Variants in TRIM21 observed in about 807,000 individuals in gnomAD.
The protein encoded by TRIM21 is E3 ubiquitin-protein ligase TRIM21.
A neutral mutation model predicts 36.1 loss-of-function variants in TRIM21; 35 were observed. The ratio of observed to expected loss-of-function variants is 0.97; its 90% confidence interval spans 0.74 to 1.28. TRIM21 has a LOEUF of 1.28. TRIM21 is among the 50% of genes most tolerant of loss of function. TRIM21 has a pLI of 0.00. For synonymous variants in TRIM21, 256 were observed against 211.5 expected, an observed-to-expected ratio of 1.21 and a Z score of -1.83; for missense variants, 635 against 570.7, an observed-to-expected ratio of 1.11 and a Z score of -1.15.
chr11:4,386,913 T>C (rs2094956837), intron 5 of TRIM21, 55 bp downstream of exon 5: 6 of 1,543,310 alleles, frequency 3.9e-6, no homozygotes, highest in South Asian at 2.4e-5. Context: ...ACCTTTGTCA[T>C]AGGCATATAT....
intron 4 of TRIM21, 42 bp from the exon 5 acceptor site, chr11:4,387,032 A>C (rs771338158): frequency 1.9e-6 from 3 of 1,557,984 alleles, no homozygotes; most frequent in Admixed American, 3.8e-5. Context: ...GGATTGCTGG[A>C]TCGCCACTGA....
At chr11:4,386,347 T>A in intron 5 of TRIM21, 90 bp from the exon 6 acceptor site, 1 of 1,083,180 alleles carries the variant, frequency 9.2e-7, no homozygotes, top group Non-Finnish European at 1.4e-6. Flanking sequence ...TCCGATAATT[T>A]AATTCAACTC....
At chr11:4,387,256 T>TC (rs1564809771) in intron 4 of TRIM21, among the ~76,000 whole-genome samples, 24 of 134,646 alleles carry the variant, frequency 1.8e-4, no homozygotes, top group African/African-American at 5.6e-4. Context: ...GACCAGTTTT[T>TC]TTTTTTTTTC....
At position 4,384,922 on chromosome 11, in the gene TRIM21, AT is replaced by A. The variant is rs1457706351; in HGVS notation, c.*362del. The stretch of plus-strand genomic sequence containing the variant: ...CACAGTTTTTTAAATTTTATTTTTT[AT>A]TTTTAGGAAGCCCTTTTGCAAACCA... On this transcript the variant is annotated 3_prime_UTR_variant, in exon 7 of 7. Coordinates refer to ENST00000254436, the MANE Select transcript of TRIM21 (RefSeq NM_003141.4). 1.0e-5 allele frequency: 2 copies of A among 193,836 alleles called. No homozygotes were observed. Among genetic ancestry groups the A allele is most frequent in the African/African-American group, 4.7e-5 (2 of 42,782 alleles). The allele number at this position is 193,836 out of a possible 1,614,324, so 12.0% of individuals were successfully genotyped here.
At chr11:4,390,549 G>A in intron 1 of TRIM21, 91 bp from the exon 2 acceptor site, 1 of 775,492 alleles carries the variant, frequency 1.3e-6, no homozygotes, top group South Asian at 2.5e-5. Flanking sequence ...AAATACCAAT[G>A]ACATTCTTCA....
At chr11:4,391,957 G>C (rs572010248) in intron 1 of TRIM21, among the ~76,000 whole-genome samples, 2 of 152,106 alleles carry the variant, frequency 1.3e-5, no homozygotes, top group Admixed American at 1.3e-4. Context: ...TCTGTGTGTG[G>C]GGGAGAAGAT....
Position 4,384,986 on chromosome 11 carries a change from C to G in TRIM21, c.*299G>C, listed in dbSNP as rs576974038. On this transcript the variant is annotated 3_prime_UTR_variant, in exon 7 of 7. Coordinates refer to ENST00000254436, the MANE Select transcript of TRIM21 (RefSeq NM_003141.4). ...TAGAGATCTCACCAAAGACGACATC[C>G]TAGAGATGGAGAGGAGAAAAAAAAA... 2.3e-5 allele frequency: 8 copies of G among 342,610 alleles called. No individual in the cohort carries two copies. The South Asian group carries it at 5.5e-4, about 23-fold the overall frequency. The allele number at this position is 342,610 out of a possible 1,614,324, so 21.2% of individuals were successfully genotyped here. A position where few individuals can be genotyped will look rare whatever the true frequency, so the allele number is the denominator to read the frequency against.
Position 4,385,055 on chromosome 11 carries a change from C to G in TRIM21, c.*230G>C, listed in dbSNP as rs15120. The G allele has an allele frequency of 0.023, 11,286 of 487,784 alleles. 203 individuals are homozygous for G. Among genetic ancestry groups the G allele is most frequent in the African/African-American group, 0.063 (3,187 of 50,940 alleles). 30.2% of individuals were successfully genotyped at this position (487,784 alleles called of 1,614,324 possible). On this transcript the variant is annotated 3_prime_UTR_variant, in exon 7 of 7. Coordinates refer to ENST00000254436, the MANE Select transcript of TRIM21 (RefSeq NM_003141.4). ...AGGCAGAAACATGTTTTTGGTTGAT[C>G]AAGATGAGTTTGGGCCAAATATAAG... is the stretch of plus-strand genomic sequence containing the variant.
chr11:4,387,682 C>A (rs1398122829), intron 4 of TRIM21, among the ~76,000 whole-genome samples: 1 of 152,020 alleles, frequency 6.6e-6, no homozygotes, highest in Non-Finnish European at 1.5e-5. Context: ...ATGGAGAAAT[C>A]CCATCTCTAC....
intron 1 of TRIM21, among the ~76,000 whole-genome samples, chr11:4,392,502 G>A (rs2094964157): frequency 6.6e-6 from 1 of 151,298 alleles, no homozygotes; most frequent in Admixed American, 6.6e-5. Context: ...GGGAGGCAGA[G>A]GTTGCAGTGA....
intron 6 of TRIM21, 61 bp from the exon 7 acceptor site, chr11:4,385,914 T>C: frequency 7.2e-7 from 1 of 1,382,702 alleles, no homozygotes; most frequent in Non-Finnish European, 9.8e-7. Context: ...TCTGTGCCTG[T>C]GGTGGGGGGA....
In TRIM21 at chr11:4,385,772, G is replaced by C; in HGVS notation, c.941C>G (p.Thr314Ser). 1 of 1,613,548 alleles carries C rather than the reference G, an allele frequency of 6.2e-7. No homozygotes were observed. Among genetic ancestry groups the C allele is most frequent in the Non-Finnish European group, 8.5e-7 (1 of 1,179,760 alleles). ...TTCATTTCCAGGTATGCTCTGCTGG[G>C]TGTCTCCAAGCCTCACTTGTCTCCG... ...EDRRQVRLGD[T>S]QQSIPGNEER... Residue 314 changes from threonine (T) to serine (S), a missense_variant, in exon 7 of 7, where the codon ACC (threonine) becomes AGC (serine). Thr to Ser is a moderately conservative substitution (Grantham distance 58). Coordinates refer to ENST00000254436, the MANE Select transcript of TRIM21 (RefSeq NM_003141.4).
At chr11:4,390,548 T>C (rs895150197) in intron 1 of TRIM21, 90 bp from the exon 2 acceptor site, 1 of 786,716 alleles carries the variant, frequency 1.3e-6, no homozygotes, top group Non-Finnish European at 1.9e-6. Context: ...AAAATACCAA[T>C]GACATTCTTC....
At chr11:4,391,882 T>C (rs1232736087) in intron 1 of TRIM21, among the ~76,000 whole-genome samples, 2 of 152,066 alleles carry the variant, frequency 1.3e-5, no homozygotes, top group East Asian at 3.9e-4. Flanking sequence ...ATTAAAACAA[T>C]TGAACTCATG....
chr11:4,387,845 T>G (rs956175822), intron 4 of TRIM21, among the ~76,000 whole-genome samples: 1 of 151,864 alleles, frequency 6.6e-6, no homozygotes, highest in Non-Finnish European at 1.5e-5. Context: ...AATAAATAAA[T>G]AAATAAATAA....
chr11:4,385,812 T>A lies in TRIM21; in HGVS notation c.901A>T (p.Ile301Leu). ...ACTTGTCTCCGATCTTCTGAAAGTA[T>A]CAGCCACGGATTGGCTGTGTCTGGA... Reference protein sequence around the residue: ...LDPDTANPWLILSEDRRQVRL... With the variant: ...LDPDTANPWLLLSEDRRQVRL... The change falls in exon 7 of 7, where the codon ATA (isoleucine) becomes TTA (leucine). Residue 301 changes from isoleucine (I) to leucine (L), a missense_variant. Ile to Leu is a conservative substitution (Grantham distance 5). Coordinates refer to ENST00000254436, the MANE Select transcript of TRIM21 (RefSeq NM_003141.4). 1 of 1,613,258 alleles carries A rather than the reference T, an allele frequency of 6.2e-7. No homozygotes were observed. Among genetic ancestry groups the A allele is most frequent in the Non-Finnish European group, 8.5e-7 (1 of 1,179,636 alleles).
Position 4,385,239 on chromosome 11 carries a change from G to A in TRIM21, c.*46C>T, listed in dbSNP as rs1554891458. ...GGGAAAAGAGGCAGGGTTTGTGGCT[G>A]AGAAGCGGTGCCAATGGGGAGAGTG... On this transcript the variant is annotated 3_prime_UTR_variant, in exon 7 of 7. Coordinates refer to ENST00000254436, the MANE Select transcript of TRIM21 (RefSeq NM_003141.4). The A allele has an allele frequency of 2.6e-6, 4 of 1,543,376 alleles. No individual in the cohort carries two copies. In the Admixed American group the frequency reaches 5.6e-5, roughly 22 times the overall value.
chr11:4,390,834 C>T (rs549300309), intron 1 of TRIM21, among the ~76,000 whole-genome samples: 11 of 152,334 alleles, frequency 7.2e-5, no homozygotes, highest in African/African-American at 2.2e-4. Flanking sequence ...AAAGGACAGT[C>T]TCTTCAATAA....
At chr11:4,386,452 T>C (rs1359779538) in intron 5 of TRIM21, 195 bp from the exon 6 acceptor site, 9 of 637,796 alleles carry the variant, frequency 1.4e-5, no homozygotes, top group Non-Finnish European at 2.5e-5. Context: ...TTCCTGGTTA[T>C]AGGAGGCTCT....
Sources: allele counts gnomAD v4.1 joint callset (sites outside exome capture counted in the v4.1 genomes callset), GRCh38; gene constraint gnomAD v4.1.1; transcripts MANE v1.5; gene names NCBI Gene and HGNC (gene_info 2026-07-23, HGNC 2026-07-21).